Variants in SP1 observed in about 807,000 individuals in gnomAD.
The protein encoded by SP1 is Sp1 transcription factor, also known as transcription factor Sp1.
SP1 carries 6 observed loss-of-function variants against 66.3 expected under a neutral mutation model. The observed-to-expected ratio is 0.09, with a 90% CI of 0.05 to 0.18. SP1 has a LOEUF of 0.18. Among genes scored for constraint, SP1 ranks in the 10% least tolerant of loss-of-function variants. SP1 has a pLI of 1.00. For synonymous variants in SP1, 417 were observed against 360.8 expected, an observed-to-expected ratio of 1.16 and a Z score of -1.77; for missense variants, 848 against 964.5, an observed-to-expected ratio of 0.88 and a Z score of 1.60.
At position 53,397,923 on chromosome 12, in the gene SP1, A is replaced by G. The variant is rs77284614; in HGVS notation, c.1676-8662A>G. On this transcript the variant is annotated intron_variant, in intron 3 of 5. Coordinates refer to ENST00000327443, the MANE Select transcript of SP1 (RefSeq NM_138473.3). Reference sequence around the variant, plus strand: ...ATTACAAATACTAGTAAAGCCCATAAAAGCCCCCTTTGTTAACACTTTTTA... The same window carrying G: ...ATTACAAATACTAGTAAAGCCCATAGAAGCCCCCTTTGTTAACACTTTTTA... 2.7e-4 allele frequency among the ~76,000 whole-genome samples: 41 copies of G among 152,268 alleles called. No homozygotes were observed. In the East Asian group the frequency reaches 6.8e-3, roughly 25 times the overall value.
intron 3 of SP1, among the ~76,000 whole-genome samples, chr12:53,390,241 C>T (rs1462186419): frequency 6.6e-6 from 1 of 152,134 alleles, no homozygotes; most frequent in Non-Finnish European, 1.5e-5. Flanking sequence ...TTGTCTTTCC[C>T]TAGTATTATA....
intron 3 of SP1, among the ~76,000 whole-genome samples, chr12:53,395,689 C>T (rs575626614): frequency 2.0e-5 from 3 of 152,068 alleles, no homozygotes; most frequent in South Asian, 2.1e-4. Context: ...GCTGCTAGGC[C>T]GGGCACAGTG....
At chr12:53,407,060 G>A (rs951698873) in intron 4 of SP1, among the ~76,000 whole-genome samples, 1 of 151,698 alleles carries the variant, frequency 6.6e-6, no homozygotes. Flanking sequence ...TCCTGACCTC[G>A]TGATCTGCCC....
At position 53,406,635 on chromosome 12, in the gene SP1, C is replaced by T. The variant is rs1938745335; in HGVS notation, c.1726C>T (p.His576Tyr). The T allele has an allele frequency of 6.2e-7, 1 of 1,613,876 alleles. No individual in the cohort carries two copies. The highest frequency in any genetic ancestry group is 8.5e-7 in the Non-Finnish European group (1 of 1,179,982). Reference sequence around the variant, plus strand: ...CCATGGGGCTGGTGGTGATGGAATACATGATGACACAGCAGGTGGAGAGGA... The same window carrying T: ...CCATGGGGCTGGTGGTGATGGAATATATGATGACACAGCAGGTGGAGAGGA... ...GLHGAGGDGI[H>Y]DDTAGGEEGE... Residue 576 changes from histidine (H) to tyrosine (Y), a missense_variant, in exon 4 of 6, where the codon CAT becomes TAT. Physicochemically the swap from His to Tyr is moderately conservative, Grantham distance 83. Around this residue, in one of 7 missense-constraint regions of SP1, gnomAD observed 26 missense variants for 49.2 expected, o/e 0.53. Transcript: ENST00000327443.
At chr12:53,409,177 A>G (rs1192860651) in intron 4 of SP1, among the ~76,000 whole-genome samples, 185 bp from the exon 5 acceptor site, 1 of 152,178 alleles carries the variant, frequency 6.6e-6, no homozygotes, top group Non-Finnish European at 1.5e-5. Flanking sequence ...GTGAGCCGTG[A>G]TCATGCTACT....
rs1938936515 is a variant in SP1 at position 53,413,471 on chromosome 12, T to G, written c.*2231T>G. ...GTTGTTTAATCTGAACTATAGTAAC[T>G]TAATACTCTAAACAATAGTTCACTC... On this transcript the variant is annotated 3_prime_UTR_variant, in exon 6 of 6. Coordinates refer to ENST00000327443, the MANE Select transcript of SP1 (RefSeq NM_138473.3). The G allele has an allele frequency of 6.6e-6, 1 of 152,648 alleles. No homozygotes were observed. Among genetic ancestry groups the G allele is most frequent in the South Asian group, 2.1e-4 (1 of 4,836 alleles). 9.5% of individuals were successfully genotyped at this position (152,648 alleles called of 1,614,324 possible). A position where few individuals can be genotyped will look rare whatever the true frequency, so the allele number is the denominator to read the frequency against.
chr12:53,405,926 A>G lies in SP1; in HGVS notation c.1676-659A>G, dbSNP rs182289925. Among the ~76,000 whole-genome samples the G allele has an allele frequency of 3.3e-3, 509 of 152,074 alleles. 1 individual carries two copies. Among genetic ancestry groups the G allele is most frequent in the African/African-American group, 0.01 (435 of 41,520 alleles). ...AATGACGAGTTAATGGGTGCAGCAC[A>G]TCAGTATGGCACATGTATACATATG... On this transcript the variant is annotated intron_variant, in intron 3 of 5. Transcript: ENST00000327443.
intron 3 of SP1, among the ~76,000 whole-genome samples, chr12:53,403,017 C>A (rs1287421159): frequency 1.3e-5 from 2 of 151,572 alleles, no homozygotes; most frequent in Non-Finnish European, 2.9e-5. Context: ...TGGCGGGAGC[C>A]TCTACCTGCA....
Position 53,415,297 on chromosome 12 carries a change from C to T in SP1, c.*4057C>T, listed in dbSNP as rs1274425320. 6.6e-6 allele frequency: 1 copy of T among 152,490 alleles called. No individual in the cohort carries two copies. Among genetic ancestry groups the T allele is most frequent in the Non-Finnish European group, 1.5e-5 (1 of 68,062 alleles). The allele number at this position is 152,490 out of a possible 1,614,324, so 9.4% of individuals were successfully genotyped here. ...CCAGCTTTGAGGTTGACCTGTTTCTCTTTGTCTGCCTTCCCAAAACACCAG... is the reference window on the plus strand; with the variant it reads ...CCAGCTTTGAGGTTGACCTGTTTCTTTTTGTCTGCCTTCCCAAAACACCAG... On this transcript the variant is annotated 3_prime_UTR_variant, in exon 6 of 6. Coordinates refer to ENST00000327443, the MANE Select transcript of SP1 (RefSeq NM_138473.3).
Position 53,414,692 on chromosome 12 carries a change from T to G in SP1, c.*3452T>G, listed in dbSNP as rs1938961483. On this transcript the variant is annotated 3_prime_UTR_variant, in exon 6 of 6. Transcript: ENST00000327443. ...TGTTTGACTTTCAAAATATATTTTG[T>G]ATTGTTAATATCTTCACATTGTGTG... 6.6e-6 allele frequency: 1 copy of G among 152,660 alleles called. No individual in the cohort carries two copies. The highest frequency in any genetic ancestry group is 2.4e-5 in the African/African-American group (1 of 41,464). 9.5% of individuals were successfully genotyped at this position (152,660 alleles called of 1,614,324 possible). A position where few individuals can be genotyped will look rare whatever the true frequency, so the allele number is the denominator to read the frequency against.
chr12:53,393,957 G>A (rs892842097), intron 3 of SP1, among the ~76,000 whole-genome samples: 1 of 151,406 alleles, frequency 6.6e-6, no homozygotes, highest in African/African-American at 2.4e-5. Context: ...CCTCACGCCT[G>A]TAACCCAAGC....
In SP1 at chr12:53,411,350, C is replaced by T. The variant is rs1241062210; in HGVS notation, c.*110C>T. Reference sequence around the variant, plus strand: ...GAGAGAGCCATGAAGCATTAAAATGCATGGTGTTGAGAAGAATCAGGAGAG... The same window carrying T: ...GAGAGAGCCATGAAGCATTAAAATGTATGGTGTTGAGAAGAATCAGGAGAG... On this transcript the variant is annotated 3_prime_UTR_variant, in exon 6 of 6. Coordinates refer to ENST00000327443, the MANE Select transcript of SP1 (RefSeq NM_138473.3). 4 of 872,370 alleles carry T rather than the reference C, an allele frequency of 4.6e-6. No individual in the cohort carries two copies. Among genetic ancestry groups the T allele is most frequent in the Non-Finnish European group, 7.0e-6 (4 of 572,200 alleles). The allele number at this position is 872,370 out of a possible 1,614,324, so 54.0% of individuals were successfully genotyped here.
rs1286942421 is a variant in SP1 at position 53,414,776 on chromosome 12, G to C, written c.*3536G>C. The stretch of plus-strand genomic sequence containing the variant: ...AATAAATTTATATACTTTTTGAGGG[G>C]TTCTTCTGGGGTGCTAATCAGGCCC... On this transcript the variant is annotated 3_prime_UTR_variant, in exon 6 of 6. Transcript: ENST00000327443. 1 of 152,544 alleles carries C rather than the reference G, an allele frequency of 6.6e-6. No homozygotes were observed. Among genetic ancestry groups the C allele is most frequent in the Non-Finnish European group, 1.5e-5 (1 of 68,018 alleles). 9.4% of individuals were successfully genotyped at this position (152,544 alleles called of 1,614,324 possible).
rs932051991 is a variant in SP1 at position 53,381,588 on chromosome 12, T to G, written c.8-71T>G. On this transcript the variant is annotated intron_variant, in intron 1 of 5. Transcript: ENST00000327443. ...TAGTCATTGCTATTTCATCATAGCCTCCTTTTATCCTTCCTACTTCATTTC... is the reference window on the plus strand; with the variant it reads ...TAGTCATTGCTATTTCATCATAGCCGCCTTTTATCCTTCCTACTTCATTTC... 2.2e-6 allele frequency: 3 copies of G among 1,392,328 alleles called. No homozygotes were observed. In the African/African-American group the frequency reaches 4.4e-5, roughly 20 times the overall value. The allele number at this position is 1,392,328 out of a possible 1,614,324, so 86.2% of individuals were successfully genotyped here.
chr12:53,385,010 G>C (rs1404565823), intron 3 of SP1, among the ~76,000 whole-genome samples: 1 of 151,322 alleles, frequency 6.6e-6, no homozygotes, highest in African/African-American at 2.4e-5. Flanking sequence ...AAATTAGTCG[G>C]GTGGCTGGGC....
intron 4 of SP1, among the ~76,000 whole-genome samples, chr12:53,408,205 C>T (rs1162942330): frequency 4.4e-5 from 6 of 136,178 alleles, no homozygotes; most frequent in Non-Finnish European, 6.3e-5. Context: ...GAGATCGTGC[C>T]GTTACACTCT....
chr12:53,406,823 G>A (rs1938749997), intron 4 of SP1, 70 bp downstream of exon 4: 1 of 1,352,420 alleles, frequency 7.4e-7, no homozygotes, highest in Non-Finnish European at 9.9e-7. Context: ...AGAGGAAGAA[G>A]ATTAATTTTT....
intron 3 of SP1, among the ~76,000 whole-genome samples, chr12:53,394,896 G>C (rs1037949032): frequency 6.6e-6 from 1 of 151,784 alleles, no homozygotes; most frequent in African/African-American, 2.4e-5. Context: ...TTACAGATGT[G>C]AGCCACCGCG....
rs1032367948 is a variant in SP1 at position 53,414,236 on chromosome 12, G to A, written c.*2996G>A. On this transcript the variant is annotated 3_prime_UTR_variant, in exon 6 of 6. Coordinates refer to ENST00000327443, the MANE Select transcript of SP1 (RefSeq NM_138473.3). ...TTAGATGACCAAAACTTGCAGGGCA[G>A]GGGATGCCCAGAAGAGTGGTGAGAT... 1.3e-5 allele frequency: 2 copies of A among 152,478 alleles called. No homozygotes were observed. The highest frequency in any genetic ancestry group is 2.4e-5 in the African/African-American group (1 of 41,432). The allele number at this position is 152,478 out of a possible 1,614,324, so 9.4% of individuals were successfully genotyped here. A position where few individuals can be genotyped will look rare whatever the true frequency, so the allele number is the denominator to read the frequency against.
Sources: gnomAD v4.1 joint callset for allele counts (sites outside exome capture counted in the v4.1 genomes callset) on GRCh38, gnomAD v4.1.1 for gene constraint, gnomAD v4.1.1 regional missense constraint, MANE v1.5 for transcripts, NCBI Gene and HGNC (gene_info 2026-07-23, HGNC 2026-07-21) for gene names.